PINX1: variants seen among roughly 807,000 people sequenced by gnomAD.
The protein encoded by PINX1 is PIN2 (TERF1) interacting telomerase inhibitor 1.
In PINX1, 34 loss-of-function variants were observed where a neutral mutation model predicts 25.4. The observed-to-expected ratio is 1.34, with a 90% CI of 1.02 to 1.78. The LOEUF is 1.78. Ranked by LOEUF, PINX1 falls within the 40% of genes most tolerant of loss-of-function variation. The pLI is 0.00. For missense variants in PINX1, 592 were observed against 404.9 expected (o/e 1.46, Z -3.97); for synonymous variants, 197 against 147.7 (o/e 1.33, Z -2.42).
intron 6 of PINX1, among the ~76,000 whole-genome samples, chr8:10,787,056 T>C (rs1012633821): frequency 6.6e-6 from 1 of 152,162 alleles, no homozygotes; most frequent in Admixed American, 6.5e-5. Flanking sequence ...TTTTAACAGT[T>C]TGACTCTTAC....
intron 6 of PINX1, among the ~76,000 whole-genome samples, chr8:10,791,170 C>T (rs1475452302): frequency 1.3e-5 from 2 of 152,218 alleles, no homozygotes; most frequent in Non-Finnish European, 2.9e-5. Flanking sequence ...CCTCAGCCTT[C>T]CAAAGTGCTG....
intron 4 of PINX1, among the ~76,000 whole-genome samples, chr8:10,830,117 T>C (rs528670840): frequency 6.6e-6 from 1 of 152,354 alleles, no homozygotes; most frequent in East Asian, 1.9e-4. Flanking sequence ...AGTCATTCAG[T>C]ATTTTCAGAA....
chr8:10,770,430 C>T (rs1244468100), intron 6 of PINX1, among the ~76,000 whole-genome samples: 1 of 152,220 alleles, frequency 6.6e-6, no homozygotes, highest in African/African-American at 2.4e-5. Context: ...CCACAGTCCT[C>T]TCCGGTCCCT....
rs577319760 is a variant in PINX1, at chr8:10,768,173, C to T, written c.472-2257G>A. Among the ~76,000 whole-genome samples the T allele has an allele frequency of 8.5e-5, 13 of 152,256 alleles. No homozygotes were observed. The South Asian group carries it at 1.5e-3, about 17-fold the overall frequency. ...AGCCACACAGAGACAGACTCGGTGACGACGGCTGGCTCGTTTATGCAACAG... is the reference window on the plus strand; with the variant it reads ...AGCCACACAGAGACAGACTCGGTGATGACGGCTGGCTCGTTTATGCAACAG... On this transcript the variant is annotated intron_variant, in intron 6 of 6. Transcript: ENST00000314787.
intron 5 of PINX1, chr8:10,825,266 C>G (rs1586200631): frequency 3.9e-6 from 2 of 514,640 alleles, no homozygotes; most frequent in East Asian, 5.6e-5. Flanking sequence ...TGCCCTGATA[C>G]GCATGACATT....
At chr8:10,815,261 G>A (rs1379680064) in intron 6 of PINX1, among the ~76,000 whole-genome samples, 5 of 152,114 alleles carry the variant, frequency 3.3e-5, no homozygotes, top group African/African-American at 1.2e-4. Context: ...TTTATTAGAC[G>A]CAAAAAGGTC....
chr8:10,790,646 G>A (rs1227174738), intron 6 of PINX1, among the ~76,000 whole-genome samples: 1 of 152,140 alleles, frequency 6.6e-6, no homozygotes, highest in African/African-American at 2.4e-5. Context: ...TGCCACCACT[G>A]AGCAGCTCAG....
chr8:10,832,679 A>G, intron 3 of PINX1, among the ~76,000 whole-genome samples: 1 of 152,204 alleles, frequency 6.6e-6, no homozygotes, highest in Admixed American at 6.5e-5. Flanking sequence ...TCCTTTCCAA[A>G]AGGGAACAAT....
rs1239947257 is a variant in PINX1, at chr8:10,832,965, T to C, written c.149A>G (p.Gln50Arg). ...SKGKGLGAQE[Q>R]GATDHIKVQV... The stretch of plus-strand genomic sequence containing the variant: ...AACTTTAATATGATCTGTGGCTCCT[T>C]GCTCCTGAGCCCCTAAACCCTGTGG... Residue 50 changes from glutamine to arginine, a missense_variant, in exon 3 of 7, where the codon CAA (glutamine) becomes CGA (arginine). Physicochemically the swap from Gln to Arg is conservative, Grantham distance 43. Coordinates refer to ENST00000314787, the MANE Select transcript of PINX1 (RefSeq NM_017884.6). 4 of 1,608,992 alleles carry C rather than the reference T, an allele frequency of 2.5e-6. No homozygotes were observed. Among genetic ancestry groups the C allele is most frequent in the Admixed American group, 1.7e-5 (1 of 59,766 alleles).
chr8:10,772,211 T>C (rs1801248626), intron 6 of PINX1, among the ~76,000 whole-genome samples: 1 of 152,210 alleles, frequency 6.6e-6, no homozygotes, highest in Non-Finnish European at 1.5e-5. Flanking sequence ...AGAACAGCAG[T>C]GGGATGGAAG....
At chr8:10,768,806 T>A (rs1017999367) in intron 6 of PINX1, among the ~76,000 whole-genome samples, 5 of 152,258 alleles carry the variant, frequency 3.3e-5, no homozygotes, top group African/African-American at 1.2e-4. Context: ...CTAATCCTGC[T>A]TCTGCATTCT....
chr8:10,796,401 C>G (rs1007912258), intron 6 of PINX1, among the ~76,000 whole-genome samples: 1 of 152,092 alleles, frequency 6.6e-6, no homozygotes, highest in Non-Finnish European at 1.5e-5. Context: ...CCATTTCTAC[C>G]TCTCGTATCC....
intron 6 of PINX1, among the ~76,000 whole-genome samples, chr8:10,775,727 A>C (rs1801371179): frequency 6.6e-6 from 1 of 152,208 alleles, no homozygotes; most frequent in Non-Finnish European, 1.5e-5. Context: ...CTGTCAGAAG[A>C]TTGGAAGCAC....
chr8:10,823,782 T>C (rs577021411), intron 5 of PINX1, among the ~76,000 whole-genome samples: 1 of 152,338 alleles, frequency 6.6e-6, no homozygotes, highest in East Asian at 1.9e-4. Context: ...GAGCTGAGAC[T>C]GTTCCTCTGT....
rs1167029357 is a variant in PINX1 at position 10,839,816 on chromosome 8, C to T, written c.-60G>A. On this transcript the variant is annotated 5_prime_UTR_variant, in exon 1 of 7. Coordinates refer to ENST00000314787, the MANE Select transcript of PINX1 (RefSeq NM_017884.6). ...TGGGTGACTGCGGCCACTGGGCGGG[C>T]TGGAGACTCCAGGAGAATCAGGACG... is the stretch of plus-strand genomic sequence containing the variant. 2.0e-6 allele frequency: 3 copies of T among 1,536,444 alleles called. No individual in the cohort carries two copies. Among genetic ancestry groups the T allele is most frequent in the South Asian group, 1.2e-5 (1 of 84,776 alleles).
At chr8:10,791,613 T>C (rs542411489) in intron 6 of PINX1, among the ~76,000 whole-genome samples, 22 of 152,184 alleles carry the variant, frequency 1.4e-4, no homozygotes, top group Non-Finnish European at 2.6e-4. Context: ...GTTGGAAACA[T>C]AGCTATATTC....
Position 10,765,141 on chromosome 8 carries a change from ACT to A in PINX1, c.*258_*259del, listed in dbSNP as rs1256710722. The A allele has an allele frequency of 6.3e-6, 3 of 472,858 alleles. No homozygotes were observed. Among genetic ancestry groups the A allele is most frequent in the African/African-American group, 5.8e-5 (3 of 51,288 alleles). The allele number at this position is 472,858 out of a possible 1,614,324, so 29.3% of individuals were successfully genotyped here. On this transcript the variant is annotated 3_prime_UTR_variant, in exon 7 of 7. Transcript: ENST00000314787. ...ATGTATTTGTAATGATTATAATTAA[ACT>A]CTCTTGCTGAAGGGCTCAGAGTTTA...
At chr8:10,779,287 A>G (rs535874130) in intron 6 of PINX1, among the ~76,000 whole-genome samples, 127 of 152,384 alleles carry the variant, frequency 8.3e-4, no homozygotes, top group Non-Finnish European at 8.8e-4. Context: ...CACAGAACCA[A>G]GAATAAATGT....
chr8:10,831,694 A>C lies in PINX1; in HGVS notation c.272T>G (p.Leu91Arg), dbSNP rs775380934. The change falls in exon 4 of 7, where the codon CTG becomes CGG. Residue 91 changes from leucine (L) to arginine (R), a missense_variant. Coordinates refer to ENST00000314787, the MANE Select transcript of PINX1 (RefSeq NM_017884.6). ...QDDFNQLLAE[L>R]NTCHGQETTD... ...GGTTTCCTGCCCATGGCAAGTGTTC[A>C]GTTCGGCCAGAAGCTGGTTAAAATC... 1.2e-6 allele frequency: 2 copies of C among 1,604,554 alleles called. No individual in the cohort carries two copies. The highest frequency in any genetic ancestry group is 1.7e-5 in the Admixed American group (1 of 59,284).
Sources: gnomAD v4.1 joint callset for allele counts (sites outside exome capture counted in the v4.1 genomes callset) on GRCh38, gnomAD v4.1.1 for gene constraint, MANE v1.5 for transcripts, NCBI Gene and HGNC (gene_info 2026-07-23, HGNC 2026-07-21) for gene names.